Variants in PKD1L1 observed in about 807,000 individuals in gnomAD.
The protein encoded by PKD1L1 is polycystin-1-like protein 1.
Under a neutral mutation model 323.4 loss-of-function variants are expected in PKD1L1, and 236 were observed. That is an observed-to-expected ratio of 0.73 (90% confidence interval 0.66 to 0.81). The LOEUF is 0.81. Ranked by LOEUF, PKD1L1 falls within the 40% of genes least tolerant of loss-of-function variation. The pLI is 0.00. For missense variants in PKD1L1, 3,320 were observed against 3,508.0 expected (o/e 0.95, Z 1.35); for synonymous variants, 1,344 against 1,335.0 (o/e 1.01, Z -0.15).
chr7:47,957,927 A>AAAT, the PKD1L1 span, among the ~76,000 whole-genome samples: 2 of 150,270 alleles, frequency 1.3e-5, no homozygotes, highest in Non-Finnish European at 3.0e-5. Context: ...TGAAAACTAT[A>AAAT]AAACACTGAT....
chr7:47,863,137 G>A (rs1002151460), intron 26 of PKD1L1, among the ~76,000 whole-genome samples: 10 of 152,146 alleles, frequency 6.6e-5, no homozygotes, highest in Non-Finnish European at 1.2e-4. Flanking sequence ...GTGAATGGAT[G>A]AGGGGAAGAA....
Position 47,865,258 on chromosome 7 carries a change from A to G in PKD1L1, c.4107T>C (p.Gly1369=). The G allele has an allele frequency of 6.2e-7, 1 of 1,613,474 alleles. No homozygotes were observed. The highest frequency in any genetic ancestry group is 1.1e-5 in the South Asian group (1 of 90,974). Residue 1369 remains glycine (G), a synonymous_variant, in exon 26 of 57, where the codon GGT becomes GGC. Transcript: ENST00000289672. ...LAFVDQEEMI[G]SVLMLRDLVS... Reference sequence around the variant, plus strand: ...CGAGGTCCCTCAACATAAGAACAGAACCAATCATTTCTTCCTGACCAGAAG... The same window carrying G: ...CGAGGTCCCTCAACATAAGAACAGAGCCAATCATTTCTTCCTGACCAGAAG...
Position 47,811,999 on chromosome 7 carries a change from G to C in PKD1L1, c.7399C>G (p.Arg2467Gly). Residue 2467 changes from arginine (R) to glycine (G), a missense_variant, in exon 50 of 57, where the codon CGC (arginine) becomes GGC (glycine). Coordinates refer to ENST00000289672, the MANE Select transcript of PKD1L1 (RefSeq NM_138295.5). ...TGCACAGACACAGCCCTGGTGCTGC[G>C]GTCAATCCACATGCTGGCCCTGAGT... The part of the protein sequence containing the change: ...SRLRASMWID[R>G]STRAVSVHFT... 6.3e-7 allele frequency: 1 copy of C among 1,588,206 alleles called. No individual in the cohort carries two copies. Among genetic ancestry groups the C allele is most frequent in the Non-Finnish European group, 8.6e-7 (1 of 1,167,266 alleles).
chr7:47,802,950 T>G (rs1325867345), intron 53 of PKD1L1, among the ~76,000 whole-genome samples: 4 of 152,230 alleles, frequency 2.6e-5, no homozygotes, highest in Non-Finnish European at 5.9e-5. Flanking sequence ...ACTACTTATA[T>G]TAGTAATAAT....
chr7:47,955,320 C>T, the PKD1L1 span, among the ~76,000 whole-genome samples: 1 of 151,974 alleles, frequency 6.6e-6, no homozygotes. Context: ...CTGTAATTGC[C>T]GAGTGAATGT....
At chr7:47,826,643 T>C (rs1402683560) in intron 45 of PKD1L1, among the ~76,000 whole-genome samples, 1 of 152,180 alleles carries the variant, frequency 6.6e-6, no homozygotes, top group Non-Finnish European at 1.5e-5. Context: ...GAATTCATGT[T>C]CCGAATTTGA....
chr7:47,907,654 T>C (rs1008337828), intron 9 of PKD1L1, among the ~76,000 whole-genome samples: 2 of 152,228 alleles, frequency 1.3e-5, no homozygotes, highest in Non-Finnish European at 2.9e-5. Context: ...AAGGCCATGC[T>C]GTCTGACCAA....
chr7:47,852,749 C>T (rs1785809927), intron 31 of PKD1L1, among the ~76,000 whole-genome samples: 1 of 152,042 alleles, frequency 6.6e-6, no homozygotes, highest in Admixed American at 6.5e-5. Flanking sequence ...TCTCAGAAGT[C>T]CTGGGTCAAC....
At chr7:47,881,165 A>G (rs535911177) in intron 20 of PKD1L1, among the ~76,000 whole-genome samples, 9 of 152,208 alleles carry the variant, frequency 5.9e-5, no homozygotes, top group African/African-American at 1.9e-4. Flanking sequence ...AGGAATTTTG[A>G]AGCTATTTTT....
At position 47,902,387 on chromosome 7, in the gene PKD1L1, T is replaced by G; in HGVS notation, c.2056A>C (p.Lys686Gln). ...CCAGACTCCGAGCCTACCTGGACTT[T>G]CCCAGGCCCCATGTTCTTCACCAGG... ...PPLVKNMGPG[K>Q]VQIWRSQPVR... The change falls in exon 13 of 57, where the codon AAA (lysine) becomes CAA (glutamine). Residue 686 changes from lysine to glutamine, a missense_variant. Physicochemically the swap from Lys to Gln is moderately conservative, Grantham distance 53 (BLOSUM62 1). Coordinates refer to ENST00000289672, the MANE Select transcript of PKD1L1 (RefSeq NM_138295.5). The G allele has an allele frequency of 6.2e-7, 1 of 1,614,120 alleles. No individual in the cohort carries two copies.
intron 56 of PKD1L1, among the ~76,000 whole-genome samples, chr7:47,784,418 A>G (rs958667807): frequency 6.6e-6 from 1 of 152,218 alleles, no homozygotes; most frequent in African/African-American, 2.4e-5. Flanking sequence ...AAAACAAATC[A>G]TATCTCACAA....
At chr7:47,938,875 C>T (rs1290961876) in intron 3 of PKD1L1, among the ~76,000 whole-genome samples, 1 of 152,212 alleles carries the variant, frequency 6.6e-6, no homozygotes, top group Non-Finnish European at 1.5e-5. Context: ...AGAGGCAGGG[C>T]TTGTGCATGG....
chr7:47,935,828 T>A (rs1385523622), intron 4 of PKD1L1, among the ~76,000 whole-genome samples: 1 of 152,212 alleles, frequency 6.6e-6, no homozygotes, highest in Admixed American at 6.5e-5. Context: ...TGGAGGTATA[T>A]CAGAAAGAAC....
At chr7:47,809,977 A>G (rs1334252539) in intron 50 of PKD1L1, among the ~76,000 whole-genome samples, 2 of 152,210 alleles carry the variant, frequency 1.3e-5, no homozygotes, top group Admixed American at 1.3e-4. Context: ...ATATACATAT[A>G]TATACTAGTT....
chr7:47,865,096 A>G (rs1786133969), intron 26 of PKD1L1, 120 bp downstream of exon 26: 1 of 736,402 alleles, frequency 1.4e-6, no homozygotes, highest in Non-Finnish European at 2.2e-6. Context: ...TTAAGGGAAA[A>G]TCACATTTCT....
chr7:47,885,800 C>G lies in PKD1L1; in HGVS notation c.3091G>C (p.Ala1031Pro). The G allele has an allele frequency of 6.2e-7, 1 of 1,614,180 alleles. No individual in the cohort carries two copies. The highest frequency in any genetic ancestry group is 8.5e-7 in the Non-Finnish European group (1 of 1,180,036). The change falls in exon 18 of 57, where the codon GCT becomes CCT. Residue 1031 changes from alanine to proline, a missense_variant. Coordinates refer to ENST00000289672, the MANE Select transcript of PKD1L1 (RefSeq NM_138295.5). Reference protein sequence around the residue: ...PAGDSAVLGEAPEEGSLDLEP... With the variant: ...PAGDSAVLGEPPEEGSLDLEP... ...AGGTCTAGTGAACCTTCCTCTGGAG[C>G]CTCCCCCAGGACTGCAGAGTCCCCC...
Position 47,904,489 on chromosome 7 carries a change from C to G in PKD1L1, c.1820G>C (p.Ser607Thr), listed in dbSNP as rs1020717600. ...GTTGATCCAGCACTCAAAGGCCACACTGGCATTTACCAGAGCTGAGGAGGG... is the reference window on the plus strand; with the variant it reads ...GTTGATCCAGCACTCAAAGGCCACAGTGGCATTTACCAGAGCTGAGGAGGG... ...TSPSSALVNASVAFECWINFG... is the reference protein window; with the variant it reads ...TSPSSALVNATVAFECWINFG... Residue 607 changes from serine (S) to threonine (T), a missense_variant, in exon 12 of 57, where the codon AGT (serine) becomes ACT (threonine). Transcript: ENST00000289672. 1.9e-6 allele frequency: 3 copies of G among 1,614,192 alleles called. No individual in the cohort carries two copies. Among genetic ancestry groups the G allele is most frequent in the Non-Finnish European group, 2.5e-6 (3 of 1,180,030 alleles).
At chr7:47,943,059 TG>T (rs1406534970) in intron 2 of PKD1L1, among the ~76,000 whole-genome samples, 1 of 147,934 alleles carries the variant, frequency 6.8e-6, no homozygotes, top group Non-Finnish European at 1.5e-5. Flanking sequence ...GGCAGGAGAA[TG>T]GCGTGAACCC....
intron 18 of PKD1L1, among the ~76,000 whole-genome samples, 194 bp downstream of exon 18, chr7:47,885,492 C>G (rs1045880180): frequency 2.6e-5 from 4 of 152,138 alleles, no homozygotes; most frequent in Non-Finnish European, 5.9e-5. Flanking sequence ...TGTCATTTTC[C>G]CAGTTCAGAG....
Sources: gnomAD v4.1 joint callset for allele counts (sites outside exome capture counted in the v4.1 genomes callset) on GRCh38, gnomAD v4.1.1 for gene constraint, MANE v1.5 for transcripts, NCBI Gene and HGNC (gene_info 2026-07-23, HGNC 2026-07-21) for gene names.